Variants in XKR6 observed in about 807,000 individuals in gnomAD.
XKR6 encodes XK-related protein 6.
In XKR6, 22 loss-of-function variants were observed where a neutral mutation model predicts 56.7. The ratio of observed to expected loss-of-function variants is 0.39; its 90% CI spans 0.28 to 0.55. The LOEUF (loss-of-function observed/expected upper bound fraction) is 0.55. Ranked by LOEUF, XKR6 falls within the 20% of genes least tolerant of loss-of-function variation. The probability of loss-of-function intolerance (pLI) is 0.66; values close to 1 mark genes in which losing one functional copy is unlikely to be tolerated. For synonymous variants in XKR6, 524 were observed against 387.8 expected (o/e 1.35, Z -4.13); for missense variants, 852 against 889.0 (o/e 0.96, Z 0.53).
intron 1 of XKR6, among the ~76,000 whole-genome samples, chr8:11,110,572 A>G (rs956071202): frequency 1.9e-4 from 29 of 152,250 alleles, no homozygotes; most frequent in African/African-American, 6.7e-4. Flanking sequence ...TCCATTTCCA[A>G]GTTGCTCTGA....
At position 11,094,151 on chromosome 8, in the gene XKR6, C is replaced by T. The variant is rs138479177; in HGVS notation, c.764+106425G>A. 1.5e-4 allele frequency among the ~76,000 whole-genome samples: 23 copies of T among 151,408 alleles called. No individual in the cohort carries two copies. The East Asian group carries it at 4.1e-3, about 27-fold the overall frequency. On this transcript the variant is annotated intron_variant, in intron 1 of 2. Transcript: ENST00000416569. ...GAGTGCCGTGGTCATATCCTAGATCCACTGAATCAGAAAACGTTTTTTAAA... is the reference window on the plus strand; with the variant it reads ...GAGTGCCGTGGTCATATCCTAGATCTACTGAATCAGAAAACGTTTTTTAAA...
chr8:11,086,148 A>ATATTTTTT (rs71203369), intron 1 of XKR6, among the ~76,000 whole-genome samples: 2 of 120,722 alleles, frequency 1.7e-5, no homozygotes, highest in South Asian at 2.4e-4. Context: ...ATATATATAT[A>ATATTTTTT]TTTTTTTTTA....
intron 1 of XKR6, among the ~76,000 whole-genome samples, chr8:11,125,037 C>T (rs1258721645): frequency 1.4e-5 from 2 of 145,932 alleles, no homozygotes; most frequent in African/African-American, 2.6e-5. Flanking sequence ...TGCAGTGAGC[C>T]GAGATCACGC....
intron 1 of XKR6, among the ~76,000 whole-genome samples, chr8:10,993,856 C>A (rs1235571757): frequency 1.2e-4 from 18 of 152,180 alleles, no homozygotes; most frequent in Non-Finnish European, 1.5e-5. Context: ...TCAGCCTTAG[C>A]TATATAGCCC....
intron 1 of XKR6, among the ~76,000 whole-genome samples, chr8:10,985,980 G>T (rs1279452742): frequency 6.6e-6 from 1 of 152,154 alleles, no homozygotes; most frequent in East Asian, 1.9e-4. Context: ...AGAATATTTA[G>T]AAAATTTCTG....
chr8:10,946,666 G>T (rs1242491477), intron 1 of XKR6, among the ~76,000 whole-genome samples: 2 of 152,006 alleles, frequency 1.3e-5, no homozygotes, highest in Non-Finnish European at 2.9e-5. Context: ...TCGTATTCAA[G>T]CACTCAGCAG....
chr8:11,053,323 G>A (rs1006636010), intron 1 of XKR6, among the ~76,000 whole-genome samples: 4 of 152,142 alleles, frequency 2.6e-5, no homozygotes, highest in African/African-American at 7.2e-5. Context: ...CAAGGTCTCC[G>A]GCCCAGCACG....
chr8:10,973,069 CTCT>C (rs1251521058), intron 1 of XKR6, among the ~76,000 whole-genome samples: 1 of 152,112 alleles, frequency 6.6e-6, no homozygotes, highest in Non-Finnish European at 1.5e-5. Context: ...TACGATTAGC[CTCT>C]TCAAGAGTGG....
intron 1 of XKR6, among the ~76,000 whole-genome samples, chr8:11,076,309 A>C (rs1416296735): frequency 6.6e-6 from 1 of 152,224 alleles, no homozygotes. Flanking sequence ...TGATGGTTGC[A>C]CAACAAGGTG....
chr8:11,059,725 GCCCGCGCCCCCCGGACCCCGC>G (rs1799783754), intron 1 of XKR6, among the ~76,000 whole-genome samples: 1 of 149,362 alleles, frequency 6.7e-6, no homozygotes. Flanking sequence ...CGGCTCCCCG[GCCCGCGCCCCCCGGACCCCGC>G]CCCGCGGCTC....
intron 1 of XKR6, among the ~76,000 whole-genome samples, chr8:11,043,738 A>C (rs1799341533): frequency 6.6e-6 from 1 of 152,262 alleles, no homozygotes; most frequent in South Asian, 2.1e-4. Flanking sequence ...GTTCCCGCCC[A>C]TGACAGGACA....
rs566110767 is a variant in XKR6, at chr8:11,134,648, G to A, written c.764+65928C>T. 7.1e-4 allele frequency among the ~76,000 whole-genome samples: 108 copies of A among 151,836 alleles called. 1 individual carries two copies. Among genetic ancestry groups the A allele is most frequent in the Non-Finnish European group, 1.3e-3 (87 of 67,992 alleles). On this transcript the variant is annotated intron_variant, in intron 1 of 2. Coordinates refer to ENST00000416569, the MANE Select transcript of XKR6 (RefSeq NM_173683.4). ...TGGATGGTTCTTTTTACTGTGAGTT[G>A]GAGTGTAAACTGGTACAACCGTTTA... is the stretch of plus-strand genomic sequence containing the variant.
intron 1 of XKR6, among the ~76,000 whole-genome samples, chr8:11,190,480 A>G (rs951025357): frequency 1.2e-4 from 19 of 152,166 alleles, no homozygotes; most frequent in Admixed American, 1.2e-3. Context: ...TACCCTGAGA[A>G]AGAGAATGGA....
At chr8:11,015,925 C>CAG (rs1798609125) in intron 1 of XKR6, among the ~76,000 whole-genome samples, 1 of 151,922 alleles carries the variant, frequency 6.6e-6, no homozygotes, top group Non-Finnish European at 1.5e-5. Flanking sequence ...CGCCTCTGTC[C>CAG]AAGTCCCGAC....
intron 1 of XKR6, among the ~76,000 whole-genome samples, chr8:10,986,542 G>A (rs28758486): frequency 0.32 from 49,104 of 152,078 alleles, 8,417 homozygotes; most frequent in Middle Eastern, 0.43. Flanking sequence ...GTGGAATTCT[G>A]TGATCAGCAA....
chr8:11,140,590 A>G (rs1204185200), intron 1 of XKR6, among the ~76,000 whole-genome samples: 1 of 152,132 alleles, frequency 6.6e-6, no homozygotes, highest in East Asian at 1.9e-4. Flanking sequence ...AGGATTCAAG[A>G]TATGTTGTTC....
intron 1 of XKR6, among the ~76,000 whole-genome samples, chr8:10,950,639 T>C (rs1239430057): frequency 1.3e-5 from 2 of 152,208 alleles, no homozygotes; most frequent in African/African-American, 4.8e-5. Flanking sequence ...ACAGAAAACC[T>C]AGTCTCCTAG....
At chr8:11,140,330 A>G (rs533899963) in intron 1 of XKR6, among the ~76,000 whole-genome samples, 67 of 152,352 alleles carry the variant, frequency 4.4e-4, no homozygotes, top group African/African-American at 1.6e-3. Context: ...CTGAGAGAAC[A>G]TACCACCTAT....
intron 1 of XKR6, among the ~76,000 whole-genome samples, chr8:10,967,701 G>C (rs1487624251): frequency 6.6e-6 from 1 of 152,218 alleles, no homozygotes; most frequent in Non-Finnish European, 1.5e-5. Flanking sequence ...ACTTGCCGGT[G>C]CCAGCCTCTG....
Sources: gnomAD v4.1 joint callset for allele counts (sites outside exome capture counted in the v4.1 genomes callset) on GRCh38, gnomAD v4.1.1 for gene constraint, MANE v1.5 for transcripts, NCBI Gene and HGNC (gene_info 2026-07-23, HGNC 2026-07-21) for gene names.